The following OTUB2 variants were observed in gnomAD, a reference collection of about 807,000 sequenced individuals.
OTUB2 encodes the protein ubiquitin thioesterase OTUB2.
A neutral mutation model predicts 25.1 loss-of-function variants in OTUB2; 21 were observed. The observed-to-expected ratio is 0.84, with a 90% CI of 0.59 to 1.21. OTUB2 has a LOEUF of 1.21. OTUB2 is among the 50% of genes most tolerant of loss of function. The probability of loss-of-function intolerance (pLI) is 0.00; values close to 1 mark genes in which losing one functional copy is unlikely to be tolerated. For missense variants in OTUB2, 283 were observed against 298.0 expected, an observed-to-expected ratio of 0.95 and a Z score of 0.37; for synonymous variants, 122 against 122.8, an observed-to-expected ratio of 0.99 and a Z score of 0.04.
intron 1 of OTUB2, among the ~76,000 whole-genome samples, chr14:94,032,043 C>T (rs752729712): frequency 6.6e-6 from 1 of 152,178 alleles, no homozygotes; most frequent in Admixed American, 6.5e-5. Flanking sequence ...CTTCCGGGAG[C>T]TTGAGTCTCT....
In OTUB2 at chr14:94,030,577, G is replaced by A. The variant is rs548344524; in HGVS notation, c.3+4037G>A. Among the ~76,000 whole-genome samples the A allele has an allele frequency of 5.1e-3, 655 of 127,966 alleles. 4 individuals carry two copies. The highest frequency in any genetic ancestry group is 0.018 in the African/African-American group (616 of 33,452). The allele number at this position is 127,966 out of a possible 152,430, so 84.0% of individuals were successfully genotyped here. On this transcript the variant is annotated intron_variant, in intron 1 of 5. Coordinates refer to ENST00000203664, the MANE Select transcript of OTUB2 (RefSeq NM_023112.4). ...TGCAAAGCCAGCTAATAACTGACCCGGGGGGGAAGCCTCAGTGCAGGGTCT... is the reference window on the plus strand; with the variant it reads ...TGCAAAGCCAGCTAATAACTGACCCAGGGGGGAAGCCTCAGTGCAGGGTCT...
Position 94,044,577 on chromosome 14 carries a change from CG to C in OTUB2, c.304-6del, listed in dbSNP as rs1198172658. On this transcript the variant is annotated splice_region_variant and splice_polypyrimidine_tract_variant and intron_variant, in intron 4 of 5. Coordinates refer to ENST00000203664, the MANE Select transcript of OTUB2 (RefSeq NM_023112.4). Reference sequence around the variant, plus strand: ...TTGGCCTCCCTAGCTGAGGGCCGGGCGGGCGCAGTTTTACAGTGTGGTGGAA... The same window carrying C: ...TTGGCCTCCCTAGCTGAGGGCCGGGCGGCGCAGTTTTACAGTGTGGTGGAA... The C allele has an allele frequency of 6.3e-7, 1 of 1,599,778 alleles. No homozygotes were observed.
At chr14:94,038,916 G>C (rs770105439) in intron 2 of OTUB2, 47 bp from the exon 3 acceptor site, 1 of 1,558,600 alleles carries the variant, frequency 6.4e-7, no homozygotes, top group Non-Finnish European at 8.9e-7. Flanking sequence ...AAACCACACA[G>C]AGCCGTTGTT....
At position 94,045,748 on chromosome 14, in the gene OTUB2, C is replaced by T; in HGVS notation, c.531C>T (p.His177=). 2.5e-6 allele frequency: 4 copies of T among 1,614,222 alleles called. No homozygotes were observed. The highest frequency in any genetic ancestry group is 3.4e-6 in the Non-Finnish European group (4 of 1,180,050). ...AGCCCATGGCCACGGAGTGTGACCACATCCAGATCACGGCGTTGTCGCAGG... is the reference window on the plus strand; with the variant it reads ...AGCCCATGGCCACGGAGTGTGACCATATCCAGATCACGGCGTTGTCGCAGG... ...EVEPMATECD[H]IQITALSQAL... The change falls in exon 6 of 6, where the codon CAC becomes CAT. Residue 177 remains histidine (H), a synonymous_variant. Coordinates refer to ENST00000203664, the MANE Select transcript of OTUB2 (RefSeq NM_023112.4).
chr14:94,029,903 G>A (rs1347734291), intron 1 of OTUB2, among the ~76,000 whole-genome samples: 1 of 152,206 alleles, frequency 6.6e-6, no homozygotes, highest in East Asian at 1.9e-4. Flanking sequence ...GTGGGGCATG[G>A]GAAGGCCTCT....
chr14:94,028,535 C>A (rs1884905201), intron 1 of OTUB2, among the ~76,000 whole-genome samples: 4 of 152,252 alleles, frequency 2.6e-5, no homozygotes, highest in Admixed American at 2.6e-4. Context: ...CTCGTGCACT[C>A]AAGGTGCATT....
chr14:94,030,043 A>G (rs762840608), intron 1 of OTUB2, among the ~76,000 whole-genome samples: 1 of 152,226 alleles, frequency 6.6e-6, no homozygotes, highest in Non-Finnish European at 1.5e-5. Flanking sequence ...ACATGGGGTC[A>G]GACATGGGAG....
chr14:94,039,277 G>A, intron 3 of OTUB2, 196 bp downstream of exon 3: 1 of 596,690 alleles, frequency 1.7e-6, no homozygotes, highest in South Asian at 2.0e-5. Flanking sequence ...AAGGGGTGGA[G>A]GATGGAATCT....
chr14:94,039,763 C>G (rs1475774931), intron 3 of OTUB2, among the ~76,000 whole-genome samples: 1 of 152,162 alleles, frequency 6.6e-6, no homozygotes, highest in Admixed American at 6.5e-5. Flanking sequence ...CTTTGAGGAG[C>G]AAGGAGCTAA....
chr14:94,035,613 T>C (rs1258212260), intron 1 of OTUB2, among the ~76,000 whole-genome samples: 1 of 152,086 alleles, frequency 6.6e-6, no homozygotes, highest in Non-Finnish European at 1.5e-5. Flanking sequence ...GGACAATGAA[T>C]TCATCCTCTA....
chr14:94,026,412 C>T lies in OTUB2; in HGVS notation c.-126C>T. The T allele has an allele frequency of 1.6e-6, 2 of 1,286,218 alleles. No individual in the cohort carries two copies. Among genetic ancestry groups the T allele is most frequent in the Non-Finnish European group, 2.0e-6 (2 of 1,015,472 alleles). 79.7% of individuals were successfully genotyped at this position (1,286,218 alleles called of 1,614,324 possible). On this transcript the variant is annotated 5_prime_UTR_variant, in exon 1 of 6. Coordinates refer to ENST00000203664, the MANE Select transcript of OTUB2 (RefSeq NM_023112.4). ...GCGGAGCGGTCGGGTGTATTCTCCG[C>T]CGCCCCCACGCCCTCGAGGTCCCCG...
At chr14:94,028,702 C>T (rs760402488) in intron 1 of OTUB2, among the ~76,000 whole-genome samples, 2 of 152,214 alleles carry the variant, frequency 1.3e-5, no homozygotes, top group Admixed American at 6.5e-5. Context: ...GGTGCCTGCC[C>T]GCTGTAGGAG....
intron 3 of OTUB2, among the ~76,000 whole-genome samples, chr14:94,042,717 A>G (rs151010932): frequency 2.4e-4 from 37 of 152,262 alleles, no homozygotes; most frequent in African/African-American, 8.9e-4. Context: ...GTTAGCCAGC[A>G]CTGACCATCA....
rs774946437 is a variant in OTUB2, at chr14:94,045,718, A to G, written c.501A>G (p.Glu167=). The G allele has an allele frequency of 4.3e-6, 7 of 1,614,054 alleles. No individual in the cohort carries two copies. Among genetic ancestry groups the G allele is most frequent in the Non-Finnish European group, 5.1e-6 (6 of 1,179,934 alleles). Residue 167 remains glutamate (E), a splice_region_variant and synonymous_variant, in exon 6 of 6, where the codon GAA becomes GAG. Coordinates refer to ENST00000203664, the MANE Select transcript of OTUB2 (RefSeq NM_023112.4). Reference sequence around the variant, plus strand: ...TGTTTTCATTTTGGCCCCTGCAGGAAGTAGAGCCCATGGCCACGGAGTGTG... The same window carrying G: ...TGTTTTCATTTTGGCCCCTGCAGGAGGTAGAGCCCATGGCCACGGAGTGTG... The part of the protein sequence containing the change: ...EMDIKDFCTH[E]VEPMATECDH...
chr14:94,030,985 C>T (rs956569813), intron 1 of OTUB2, among the ~76,000 whole-genome samples: 4 of 152,196 alleles, frequency 2.6e-5, no homozygotes, highest in Non-Finnish European at 2.9e-5. Flanking sequence ...ACTGTCAGAT[C>T]GCACATTTGT....
chr14:94,040,826 A>T (rs1885146742), intron 3 of OTUB2, among the ~76,000 whole-genome samples: 1 of 152,182 alleles, frequency 6.6e-6, no homozygotes, highest in South Asian at 2.1e-4. Flanking sequence ...TTGTGGGAAA[A>T]ATCAGGCAGG....
intron 3 of OTUB2, among the ~76,000 whole-genome samples, chr14:94,041,672 C>T (rs1205223931): frequency 1.3e-5 from 2 of 152,172 alleles, no homozygotes; most frequent in Non-Finnish European, 2.9e-5. Context: ...GCCCCTGCCT[C>T]TCCTGCCCCG....
At chr14:94,028,083 T>C (rs1421759504) in intron 1 of OTUB2, among the ~76,000 whole-genome samples, 1 of 152,222 alleles carries the variant, frequency 6.6e-6, no homozygotes, top group Non-Finnish European at 1.5e-5. Flanking sequence ...CTGCTCCCTA[T>C]CTGCCCTGAC....
At chr14:94,028,990 C>T (rs960237921) in intron 1 of OTUB2, among the ~76,000 whole-genome samples, 1 of 152,072 alleles carries the variant, frequency 6.6e-6, no homozygotes, top group African/African-American at 2.4e-5. Flanking sequence ...GGGATTTTGG[C>T]AAAGGTGAAC....
Sources: gnomAD v4.1 joint callset for allele counts (sites outside exome capture counted in the v4.1 genomes callset) on GRCh38, gnomAD v4.1.1 for gene constraint, MANE v1.5 for transcripts, NCBI Gene and HGNC (gene_info 2026-07-23, HGNC 2026-07-21) for gene names.